Variants in ADK observed in about 807,000 individuals in gnomAD.
The protein encoded by ADK is N6,N6-dimethyladenosine kinase.
ADK carries 24 observed loss-of-function variants against 44.7 expected under a neutral mutation model. The ratio of observed to expected loss-of-function variants is 0.54; its 90% CI spans 0.39 to 0.76. ADK has a LOEUF of 0.76. Among genes scored for constraint, ADK ranks in the 30% least tolerant of loss-of-function variants. ADK has a pLI of 0.00. For missense variants in ADK, 321 were observed against 425.1 expected (o/e 0.76, Z 2.15); for synonymous variants, 128 against 142.6 (o/e 0.90, Z 0.73).
chr10:74,297,109 G>GT (rs1197946595), intron 3 of ADK, among the ~76,000 whole-genome samples: 6 of 152,106 alleles, frequency 3.9e-5, no homozygotes, highest in African/African-American at 1.2e-4. Context: ...CTCCAGGAAA[G>GT]TTTTTTTGCA....
intron 6 of ADK, among the ~76,000 whole-genome samples, chr10:74,505,384 T>C (rs890238278): frequency 5.9e-5 from 9 of 152,172 alleles, no homozygotes; most frequent in African/African-American, 2.2e-4. Context: ...ACATCTTCTT[T>C]CTCATCATCT....
intron 4 of ADK, among the ~76,000 whole-genome samples, chr10:74,370,215 TAAAC>T (rs1842615802): frequency 6.6e-6 from 1 of 152,198 alleles, no homozygotes; most frequent in African/African-American, 2.4e-5. Flanking sequence ...AGCCAAAACT[TAAAC>T]AATTGTACAC....
chr10:74,321,052 C>T (rs1269126985), intron 4 of ADK, among the ~76,000 whole-genome samples: 2 of 152,072 alleles, frequency 1.3e-5, no homozygotes, highest in Non-Finnish European at 2.9e-5. Flanking sequence ...TGGTGAGCTT[C>T]GTGAGGTATT....
intron 7 of ADK, among the ~76,000 whole-genome samples, chr10:74,562,489 A>T (rs978088020): frequency 6.6e-6 from 1 of 152,190 alleles, no homozygotes; most frequent in African/African-American, 2.4e-5. Context: ...AGCAGTTTAC[A>T]TATTTCCTTC....
chr10:74,382,954 T>TC (rs531412234), intron 4 of ADK, among the ~76,000 whole-genome samples: 1 of 151,430 alleles, frequency 6.6e-6, no homozygotes, highest in Non-Finnish European at 1.5e-5. Context: ...TATTGGATTT[T>TC]CCCCCCCTCC....
rs1293364828 is a variant in ADK, at chr10:74,600,580, T to C, written c.877+87T>C. 3 of 554,644 alleles carry C rather than the reference T, an allele frequency of 5.4e-6. No individual in the cohort carries two copies. The Admixed American group carries it at 8.4e-5, about 16-fold the overall frequency. 34.4% of individuals were successfully genotyped at this position (554,644 alleles called of 1,614,324 possible). On this transcript the variant is annotated intron_variant, in intron 9 of 10. Coordinates refer to ENST00000539909, the MANE Select transcript of ADK (RefSeq NM_006721.4). ...ATTCTGTATTCTTTCTATTATAATA[T>C]ATACAATATACATATACAATATATA...
chr10:74,413,015 G>A (rs12250748), intron 6 of ADK, among the ~76,000 whole-genome samples: 5,255 of 151,694 alleles, frequency 0.035, 332 homozygotes, highest in African/African-American at 0.12. Context: ...CCAAGATTGC[G>A]CCATTGCACT....
At chr10:74,429,652 T>C (rs988698724) in intron 6 of ADK, among the ~76,000 whole-genome samples, 2 of 152,144 alleles carry the variant, frequency 1.3e-5, no homozygotes, top group Non-Finnish European at 2.9e-5. Flanking sequence ...CTGTCTAACA[T>C]AGAAAATGTT....
At chr10:74,693,608 T>G (rs1183418493) in intron 10 of ADK, among the ~76,000 whole-genome samples, 2 of 152,114 alleles carry the variant, frequency 1.3e-5, no homozygotes, top group African/African-American at 4.8e-5. Context: ...GTATTAGTCC[T>G]TGAATTTCCG....
At chr10:74,473,560 A>G (rs1280964413) in intron 6 of ADK, among the ~76,000 whole-genome samples, 1 of 152,138 alleles carries the variant, frequency 6.6e-6, no homozygotes, top group Non-Finnish European at 1.5e-5. Flanking sequence ...TAGAGGTCAG[A>G]TAGTTTGTAG....
intron 6 of ADK, among the ~76,000 whole-genome samples, chr10:74,432,086 C>T (rs116238187): frequency 0.017 from 2,530 of 151,966 alleles, 74 homozygotes; most frequent in African/African-American, 0.058. Context: ...CCCAGCTACT[C>T]GAGACGCTGA....
At chr10:74,611,533 CT>C (rs897862198) in intron 9 of ADK, among the ~76,000 whole-genome samples, 1 of 139,714 alleles carries the variant, frequency 7.2e-6, no homozygotes, top group Admixed American at 7.4e-5. Context: ...GGGTGTGATA[CT>C]TTTTCAGGGT....
At chr10:74,535,156 C>T (rs548304605) in intron 7 of ADK, among the ~76,000 whole-genome samples, 65 of 152,252 alleles carry the variant, frequency 4.3e-4, no homozygotes, top group South Asian at 8.3e-4. Context: ...TGTTTTCTCT[C>T]TGCTTTAAAG....
intron 6 of ADK, among the ~76,000 whole-genome samples, chr10:74,426,106 A>G (rs886372693): frequency 6.6e-6 from 1 of 152,124 alleles, no homozygotes; most frequent in South Asian, 2.1e-4. Context: ...GTATGTCTCT[A>G]TACATTTTTA....
chr10:74,658,707 G>A (rs1041561360), intron 9 of ADK, among the ~76,000 whole-genome samples: 1 of 152,076 alleles, frequency 6.6e-6, no homozygotes, highest in Non-Finnish European at 1.5e-5. Context: ...GGGATTACAG[G>A]CATAAATCAC....
At chr10:74,167,115 T>C (rs115907855) in intron 1 of ADK, among the ~76,000 whole-genome samples, 1,936 of 152,318 alleles carry the variant, frequency 0.013, 49 homozygotes, top group African/African-American at 0.044. Flanking sequence ...GTTTCAGTTA[T>C]ATGTATAGGG....
intron 4 of ADK, among the ~76,000 whole-genome samples, chr10:74,374,409 T>A (rs1842759162): frequency 6.6e-6 from 1 of 152,190 alleles, no homozygotes. Flanking sequence ...GAGTTTTTGT[T>A]CCTTAAATTA....
chr10:74,615,743 C>G (rs891695804), intron 9 of ADK, among the ~76,000 whole-genome samples: 1 of 152,140 alleles, frequency 6.6e-6, no homozygotes, highest in African/African-American at 2.4e-5. Context: ...GAGCCTCACT[C>G]TGTCGCCCAG....
intron 6 of ADK, among the ~76,000 whole-genome samples, chr10:74,450,971 T>G (rs1367040204): frequency 6.6e-6 from 1 of 151,862 alleles, no homozygotes; most frequent in Non-Finnish European, 1.5e-5. Flanking sequence ...ATTTCTTAAT[T>G]AAATATTAGA....
Sources: gnomAD v4.1 joint callset for allele counts (sites outside exome capture counted in the v4.1 genomes callset) on GRCh38, gnomAD v4.1.1 for gene constraint, MANE v1.5 for transcripts, NCBI Gene and HGNC (gene_info 2026-07-23, HGNC 2026-07-21) for gene names.